The following ST7 variants were observed in gnomAD, a reference collection of about 807,000 sequenced individuals.
The protein encoded by ST7 is suppressor of tumorigenicity 7 protein.
Under a neutral mutation model 78.7 loss-of-function variants are expected in ST7, and 28 were observed. The ratio of observed to expected loss-of-function variants is 0.36; its 90% CI spans 0.26 to 0.49. The LOEUF (loss-of-function observed/expected upper bound fraction) is 0.49, where lower values mean the gene tolerates loss of function less well. Among genes scored for constraint, ST7 ranks in the 20% least tolerant of loss-of-function variants. The pLI, the probability that ST7 is intolerant of heterozygous loss-of-function variation, is 0.99. For missense variants in ST7, 418 were observed against 696.0 expected (o/e 0.60, Z 4.49); for synonymous variants, 247 against 249.6 (o/e 0.99, Z 0.10).
intron 1 of ST7, chr7:116,959,818 T>C (rs1298749497): frequency 1.3e-5 from 2 of 152,242 alleles, no homozygotes; most frequent in Admixed American, 6.5e-5. Flanking sequence ...GAATGATGCA[T>C]TTTTCTCTGA....
chr7:117,131,152 T>C (rs929745961), intron 5 of ST7, among the ~76,000 whole-genome samples: 4 of 151,824 alleles, frequency 2.6e-5, no homozygotes, highest in South Asian at 4.1e-4. Context: ...TTTTTTGTTA[T>C]AAAATTTATT....
At chr7:117,097,908 A>ATATATATATATATTTTTT in intron 1 of ST7, among the ~76,000 whole-genome samples, 4 of 30,012 alleles carry the variant, frequency 1.3e-4, no homozygotes, top group African/African-American at 4.8e-4. Flanking sequence ...ATATATATAT[A>ATATATATATATATTTTTT]TTTTTTTTTT....
intron 2 of ST7, among the ~76,000 whole-genome samples, chr7:117,117,318 G>A (rs1010100951): frequency 4.6e-5 from 7 of 152,170 alleles, no homozygotes; most frequent in Non-Finnish European, 8.8e-5. Context: ...GAGGTATTAT[G>A]GATCTGTGAC....
chr7:117,035,611 T>C (rs1427123064), intron 1 of ST7, among the ~76,000 whole-genome samples: 1 of 152,214 alleles, frequency 6.6e-6, no homozygotes, highest in South Asian at 2.1e-4. Context: ...AAGTTTTTTT[T>C]AAGGCTTTTT....
At chr7:117,032,610 C>T (rs989609285) in intron 1 of ST7, among the ~76,000 whole-genome samples, 12 of 152,024 alleles carry the variant, frequency 7.9e-5, no homozygotes, top group Non-Finnish European at 1.6e-4. Flanking sequence ...AGAACTTTTT[C>T]TAATTATTTG....
intron 1 of ST7, among the ~76,000 whole-genome samples, chr7:117,047,725 G>A (rs1009170544): frequency 2.6e-5 from 4 of 152,178 alleles, no homozygotes; most frequent in South Asian, 2.1e-4. Flanking sequence ...GATGTTTTTC[G>A]TGGTTATAAG....
intron 1 of ST7, among the ~76,000 whole-genome samples, chr7:116,984,409 G>C (rs1046445216): frequency 2.0e-5 from 3 of 152,076 alleles, no homozygotes; most frequent in Non-Finnish European, 4.4e-5. Context: ...AAAGTCTGTG[G>C]GATTATCTGT....
At chr7:117,025,285 C>G (rs1796129032) in intron 1 of ST7, among the ~76,000 whole-genome samples, 1 of 152,142 alleles carries the variant, frequency 6.6e-6, no homozygotes, top group African/African-American at 2.4e-5. Context: ...TGGACCATTT[C>G]TCAAAATAAG....
In ST7 at chr7:117,138,547, G is replaced by GAGTTTT; in HGVS notation, c.963+15_963+16insAGTTTT. ...TGATGAGAGATGTGAGTTTGAGTTT[G>GAGTTTT]TGTTTGGGATCAGTGGCTTACAGAT... On this transcript the variant is annotated intron_variant, in intron 9 of 15. Transcript: ENST00000323984. The GAGTTTT allele has an allele frequency of 6.4e-7, 1 of 1,574,646 alleles. No homozygotes were observed. The highest frequency in any genetic ancestry group is 8.7e-7 in the Non-Finnish European group (1 of 1,155,138).
At chr7:117,019,215 C>T (rs970300391) in intron 1 of ST7, among the ~76,000 whole-genome samples, 16 of 152,042 alleles carry the variant, frequency 1.1e-4, no homozygotes, top group African/African-American at 2.4e-4. Flanking sequence ...TTAAAAGTTA[C>T]GTATATATGT....
intron 1 of ST7, among the ~76,000 whole-genome samples, chr7:117,023,272 G>A (rs1796019266): frequency 6.6e-6 from 1 of 151,944 alleles, no homozygotes; most frequent in Non-Finnish European, 1.5e-5. Flanking sequence ...GACAAAAAAA[G>A]CCTTTAAAAT....
intron 1 of ST7, chr7:116,968,278 TCC>T (rs1562983205): frequency 1.5e-4 from 1 of 6,690 alleles, no homozygotes; most frequent in Non-Finnish European, 3.7e-4. Flanking sequence ...CCTCCCTCCC[TCC>T]CTCCCTCCCT....
chr7:117,114,201 T>G (rs1418081971), intron 2 of ST7, among the ~76,000 whole-genome samples: 4 of 150,928 alleles, frequency 2.7e-5, no homozygotes, highest in African/African-American at 7.3e-5. Flanking sequence ...TCCATATTCC[T>G]AAACAAAATA....
intron 12 of ST7, among the ~76,000 whole-genome samples, chr7:117,197,801 A>G (rs1810459895): frequency 6.6e-6 from 1 of 152,252 alleles, no homozygotes; most frequent in African/African-American, 2.4e-5. Context: ...GCTATGAAGT[A>G]TCATTGAAAG....
At chr7:116,979,405 G>T (rs1793846983) in intron 1 of ST7, among the ~76,000 whole-genome samples, 1 of 152,198 alleles carries the variant, frequency 6.6e-6, no homozygotes, top group Non-Finnish European at 1.5e-5. Flanking sequence ...TTGTGTAAAT[G>T]AAAGTGAGAT....
At chr7:116,963,716 T>C (rs1351084819) in intron 1 of ST7, among the ~76,000 whole-genome samples, 1 of 149,872 alleles carries the variant, frequency 6.7e-6, no homozygotes, top group African/African-American at 2.5e-5. Context: ...CACTGTAAAC[T>C]CCGCCTCCTG....
Position 117,230,143 on chromosome 7 carries a change from T to C in ST7, c.*286T>C, listed in dbSNP as rs1322190663. 3 of 533,636 alleles carry C rather than the reference T, an allele frequency of 5.6e-6. No individual in the cohort carries two copies. Among genetic ancestry groups the C allele is most frequent in the East Asian group, 7.6e-5 (2 of 26,352 alleles). The allele number at this position is 533,636 out of a possible 1,614,324, so 33.1% of individuals were successfully genotyped here. ...CTGTGTCTTCCAACCCTAAAATTGT[T>C]GATGTCCCAAATAAACCTTTGGATT... On this transcript the variant is annotated 3_prime_UTR_variant, in exon 16 of 16. Transcript: ENST00000323984.
chr7:117,086,269 C>T (rs1461420989), intron 1 of ST7, among the ~76,000 whole-genome samples: 2 of 152,122 alleles, frequency 1.3e-5, no homozygotes, highest in African/African-American at 4.8e-5. Context: ...ATTTGTAATA[C>T]AACTGGGCCA....
intron 1 of ST7, among the ~76,000 whole-genome samples, chr7:117,068,555 T>C (rs760241238): frequency 2.0e-5 from 3 of 152,118 alleles, no homozygotes; most frequent in Admixed American, 2.0e-4. Context: ...TCCTGGGGAG[T>C]TGGAAATCCA....
Sources: allele counts gnomAD v4.1 joint callset (sites outside exome capture counted in the v4.1 genomes callset), GRCh38; gene constraint gnomAD v4.1.1; transcripts MANE v1.5; gene names NCBI Gene and HGNC (gene_info 2026-07-23, HGNC 2026-07-21).